Variants in CNTNAP3B observed in about 807,000 individuals in gnomAD.
CNTNAP3B encodes contactin-associated protein-like 3B.
A neutral mutation model predicts 108.9 loss-of-function variants in CNTNAP3B; 25 were observed. The ratio of observed to expected loss-of-function variants is 0.23; its 90% CI spans 0.17 to 0.32. The LOEUF is 0.32. CNTNAP3B is among the 10% of genes least tolerant of loss of function. The pLI is 1.00. For missense variants in CNTNAP3B, 252 were observed against 1,210.4 expected, an observed-to-expected ratio of 0.21 and a Z score of 11.75; for synonymous variants, 103 against 473.4, an observed-to-expected ratio of 0.22 and a Z score of 10.16.
chr9:41,948,232 T>C (rs1310820091), intron 13 of CNTNAP3B, among the ~76,000 whole-genome samples: 19 of 144,670 alleles, frequency 1.3e-4, no homozygotes, highest in Admixed American at 2.1e-4. Flanking sequence ...GCTGGGATTA[T>C]AGGTGTGTGC....
intron 10 of CNTNAP3B, among the ~76,000 whole-genome samples, chr9:41,966,987 A>G (rs1587158724): frequency 6.7e-6 from 1 of 149,864 alleles, no homozygotes; most frequent in Admixed American, 6.6e-5. Context: ...ACAAACAAAC[A>G]CCTATCCAAA....
chr9:41,916,209 G>C (rs1177234637), intron 18 of CNTNAP3B, among the ~76,000 whole-genome samples: 1 of 147,872 alleles, frequency 6.8e-6, no homozygotes, highest in African/African-American at 2.5e-5. Flanking sequence ...CCTTATTTCA[G>C]TACAGCCTTG....
intron 3 of CNTNAP3B, among the ~76,000 whole-genome samples, chr9:42,056,330 TTA>T (rs1827068682): frequency 0.043 from 1,874 of 44,034 alleles, 130 homozygotes; most frequent in African/African-American, 0.12. Flanking sequence ...ATGAATTTTA[TTA>T]TTATTATTAT....
chr9:42,077,663 T>G, intron 2 of CNTNAP3B, among the ~76,000 whole-genome samples: 1 of 127,866 alleles, frequency 7.8e-6, no homozygotes, highest in Middle Eastern at 3.7e-3. Flanking sequence ...AGGTATGGAG[T>G]AGCAAATGGT....
intron 1 of CNTNAP3B, among the ~76,000 whole-genome samples, chr9:42,127,272 T>G (rs1367071526): frequency 7.2e-6 from 1 of 138,774 alleles, no homozygotes; most frequent in Non-Finnish European, 1.5e-5. Flanking sequence ...CCTCCCCTCC[T>G]CCAAAAAGAA....
At chr9:42,078,977 T>C (rs1385766402) in intron 2 of CNTNAP3B, among the ~76,000 whole-genome samples, 1 of 150,892 alleles carries the variant, frequency 6.6e-6, no homozygotes, top group African/African-American at 2.5e-5. Context: ...AAGAGTTCCC[T>C]TTAAGTAAAT....
At chr9:41,962,281 C>T (rs1181000446) in intron 11 of CNTNAP3B, among the ~76,000 whole-genome samples, 2 of 152,262 alleles carry the variant, frequency 1.3e-5, no homozygotes, top group African/African-American at 4.8e-5. Flanking sequence ...TCTAGTCTCA[C>T]AGTGAATGAC....
chr9:41,920,893 G>A (rs1823648929), intron 17 of CNTNAP3B, among the ~76,000 whole-genome samples: 2 of 152,306 alleles, frequency 1.3e-5, no homozygotes, highest in Admixed American at 6.5e-5. Flanking sequence ...AGGGTACAGT[G>A]CTAAACAGTA....
At chr9:41,939,881 A>T (rs1824281370) in intron 13 of CNTNAP3B, among the ~76,000 whole-genome samples, 1 of 152,026 alleles carries the variant, frequency 6.6e-6, no homozygotes, top group South Asian at 2.1e-4. Context: ...ATAATGATAG[A>T]TTCTGGAAAT....
At chr9:42,011,598 A>C (rs1826133229) in intron 4 of CNTNAP3B, 1 of 43,962 alleles carries the variant, frequency 2.3e-5, no homozygotes, top group Admixed American at 2.8e-4. Context: ...CAACATAATG[A>C]GAACTTGCCT....
At chr9:42,103,557 GC>G (rs1249557406) in intron 2 of CNTNAP3B, among the ~76,000 whole-genome samples, 1 of 87,962 alleles carries the variant, frequency 1.1e-5, no homozygotes, top group Non-Finnish European at 2.3e-5. Flanking sequence ...CCCCGTCCCT[GC>G]TAAAAAAAAA....
chr9:42,044,887 A>G (rs566196681), intron 3 of CNTNAP3B, among the ~76,000 whole-genome samples: 2 of 111,716 alleles, frequency 1.8e-5, no homozygotes, highest in East Asian at 7.6e-4. Flanking sequence ...ACCTTGAGCA[A>G]GCTGAAAGCA....
intron 13 of CNTNAP3B, among the ~76,000 whole-genome samples, chr9:41,941,483 C>T (rs1439792506): frequency 9.2e-3 from 1,386 of 150,290 alleles, no homozygotes; most frequent in South Asian, 0.033. Flanking sequence ...ACCAGGAAGA[C>T]ATAAATGCAT....
rs923461223 is a variant in CNTNAP3B at position 42,107,580 on chromosome 9, T to C, written c.86-2841A>G. On this transcript the variant is annotated intron_variant, in intron 1 of 23. Transcript: ENST00000377561. ...AACAAAATTGCTGAAATTTTCCATT[T>C]CGCCTTTGGAAAATTCAAGAGTCAA... Among the ~76,000 whole-genome samples, 4 of 123,806 alleles carry C rather than the reference T, an allele frequency of 3.2e-5. 1 individual carries two copies. The highest frequency in any genetic ancestry group is 1.0e-4 in the African/African-American group (3 of 29,834). 81.2% of individuals were successfully genotyped at this position (123,806 alleles called of 152,430 possible).
intron 12 of CNTNAP3B, among the ~76,000 whole-genome samples, chr9:41,955,168 G>T (rs1474980082): frequency 1.4e-5 from 2 of 144,474 alleles, no homozygotes; most frequent in African/African-American, 2.6e-5. Flanking sequence ...CAATGGGAGA[G>T]AAATGATGGT....
At chr9:42,036,747 C>G (rs1826640301) in intron 3 of CNTNAP3B, among the ~76,000 whole-genome samples, 1 of 138,600 alleles carries the variant, frequency 7.2e-6, no homozygotes, top group African/African-American at 2.9e-5. Context: ...CAGACTGCCT[C>G]CACAAGTGGG....
chr9:42,106,106 T>C (rs1478578709), intron 1 of CNTNAP3B, among the ~76,000 whole-genome samples: 1 of 11,450 alleles, frequency 8.7e-5, no homozygotes, highest in South Asian at 2.7e-3. Context: ...ATAATTTGCC[T>C]GAGTGAATAT....
At chr9:41,940,046 G>A (rs1439361988) in intron 13 of CNTNAP3B, among the ~76,000 whole-genome samples, 8 of 152,292 alleles carry the variant, frequency 5.3e-5, no homozygotes, top group African/African-American at 2.4e-5. Context: ...TGAACTTGAG[G>A]ACCCACCAAT....
intron 7 of CNTNAP3B, among the ~76,000 whole-genome samples, chr9:41,995,587 C>A (rs1237704958): frequency 7.8e-6 from 1 of 128,030 alleles, no homozygotes; most frequent in African/African-American, 3.2e-5. Flanking sequence ...TACAAAAAGC[C>A]GGGCATGCTG....
Sources: allele counts gnomAD v4.1 joint callset (sites outside exome capture counted in the v4.1 genomes callset), GRCh38; gene constraint gnomAD v4.1.1; transcripts MANE v1.5; gene names NCBI Gene and HGNC (gene_info 2026-07-23, HGNC 2026-07-21).